Variants in TLN2 observed in about 807,000 individuals in gnomAD.
TLN2 encodes talin 2, also known as talin-2.
Under a neutral mutation model 294.7 loss-of-function variants are expected in TLN2, and 118 were observed. The observed-to-expected ratio is 0.40, with a 90% confidence interval of 0.34 to 0.47. The LOEUF is 0.47. Ranked by LOEUF, TLN2 falls within the 20% of genes least tolerant of loss-of-function variation. The pLI is 0.84. For synonymous variants in TLN2, 1,431 were observed against 1,304.5 expected, an observed-to-expected ratio of 1.10 and a Z score of -2.09; for missense variants, 3,083 against 3,282.2, an observed-to-expected ratio of 0.94 and a Z score of 1.48.
At position 62,809,987 on chromosome 15, in the gene TLN2, G is replaced by C. The variant is rs375788849; in HGVS notation, c.6726G>C (p.Thr2242=). 14 of 1,614,034 alleles carry C rather than the reference G, an allele frequency of 8.7e-6. No individual in the cohort carries two copies. In the South Asian group the frequency reaches 8.8e-5, roughly 10 times the overall value. ...EVRTRALRFG[T]ECTLGYLDLL... ...GAACCAGAGCCTTGCGTTTCGGGACGGAGTGCACCCTTGGCTACTTGGACC... is the reference window on the plus strand; with the variant it reads ...GAACCAGAGCCTTGCGTTTCGGGACCGAGTGCACCCTTGGCTACTTGGACC... The change falls in exon 52 of 59, where the codon ACG becomes ACC. Residue 2242 remains threonine, a synonymous_variant. Coordinates refer to ENST00000636159, the MANE Select transcript of TLN2 (RefSeq NM_015059.3).
At chr15:62,737,109 G>T in intron 29 of TLN2, 23 bp downstream of exon 29, 1 of 1,612,848 alleles carries the variant, frequency 6.2e-7, no homozygotes, top group Non-Finnish European at 8.5e-7. Flanking sequence ...ATGAGAAATT[G>T]TGGTTGTCAT....
chr15:62,493,114 G>T (rs1052030311), intron 1 of TLN2, among the ~76,000 whole-genome samples: 1 of 152,194 alleles, frequency 6.6e-6, no homozygotes, highest in African/African-American at 2.4e-5. Context: ...GACAGATGAA[G>T]GGCGTAAATC....
intron 48 of TLN2, 85 bp from the exon 49 acceptor site, chr15:62,800,283 G>T: frequency 6.4e-7 from 1 of 1,553,438 alleles, no homozygotes; most frequent in Non-Finnish European, 8.7e-7. Context: ...CCCGTGCCCT[G>T]GCCTGCCCTC....
Position 62,698,760 on chromosome 15 carries a change from G to A in TLN2, c.1480G>A (p.Ala494Thr), listed in dbSNP as rs1475071723. The stretch of plus-strand genomic sequence containing the variant: ...GTTTCATTTGCCTTTGCAGACCTCA[G>A]CCCAGCAGGCCCTGATGGGGACCAT... ...HRGHMPPLTSAQQALMGTINT... is the reference protein window; with the variant it reads ...HRGHMPPLTSTQQALMGTINT... The change falls in exon 16 of 59, where the codon GCC becomes ACC. Residue 494 changes from alanine to threonine, a missense_variant. Transcript: ENST00000636159. 36 of 1,609,902 alleles carry A rather than the reference G, an allele frequency of 2.2e-5. No homozygotes were observed. Among genetic ancestry groups the A allele is most frequent in the Non-Finnish European group, 3.1e-5 (36 of 1,179,910 alleles).
chr15:62,418,298 C>A (rs760092584), intron 1 of TLN2, among the ~76,000 whole-genome samples: 1 of 152,212 alleles, frequency 6.6e-6, no homozygotes, highest in Non-Finnish European at 1.5e-5. Flanking sequence ...TAAGACACAA[C>A]ATTGCAATGA....
At chr15:62,422,059 G>C (rs370642979) in intron 1 of TLN2, among the ~76,000 whole-genome samples, 1 of 151,580 alleles carries the variant, frequency 6.6e-6, no homozygotes. Flanking sequence ...TCTGGAGTTC[G>C]AGACCAGCCT....
intron 1 of TLN2, among the ~76,000 whole-genome samples, chr15:62,554,367 G>C (rs996085335): frequency 1.3e-5 from 2 of 149,134 alleles, no homozygotes; most frequent in Admixed American, 6.8e-5. Flanking sequence ...ACCAGCTGTT[G>C]ATACCAGATA....
intron 23 of TLN2, 26 bp from the exon 24 acceptor site, chr15:62,717,550 C>G (rs770392386): frequency 2.0e-5 from 30 of 1,485,924 alleles, no homozygotes; most frequent in Admixed American, 2.5e-5. Flanking sequence ...TATGCAGATC[C>G]TGACTCATCT....
At chr15:62,442,364 C>T (rs1278122764) in intron 1 of TLN2, among the ~76,000 whole-genome samples, 2 of 151,482 alleles carry the variant, frequency 1.3e-5, no homozygotes, top group African/African-American at 4.9e-5. Context: ...TGTGGTGGTG[C>T]GTGCCTGTAA....
At position 62,712,058 on chromosome 15, in the gene TLN2, G is replaced by A. The variant is rs1221591376; in HGVS notation, c.2615G>A (p.Arg872His). Residue 872 changes from arginine to histidine, a missense_variant, in exon 22 of 59, where the codon CGC becomes CAC. Transcript: ENST00000636159. ...AAACTCTTAGCTGACTCCACTGCTC[G>A]CATGGTGGAAGCTGCAAAGGTATTC... is the stretch of plus-strand genomic sequence containing the variant. ...AAKLLADSTARMVEAAKGAAA... is the reference protein window; with the variant it reads ...AAKLLADSTAHMVEAAKGAAA... 7 of 1,613,866 alleles carry A rather than the reference G, an allele frequency of 4.3e-6. No homozygotes were observed. The highest frequency in any genetic ancestry group is 1.7e-5 in the Admixed American group (1 of 59,998).
chr15:62,639,426 G>A (rs975213779), intron 3 of TLN2, among the ~76,000 whole-genome samples: 9 of 152,112 alleles, frequency 5.9e-5, no homozygotes, highest in African/African-American at 2.2e-4. Flanking sequence ...TTGTGGGGGT[G>A]GTTAATTATT....
chr15:62,678,511 T>C (rs1275620971), intron 11 of TLN2, among the ~76,000 whole-genome samples: 1 of 152,184 alleles, frequency 6.6e-6, no homozygotes, highest in Non-Finnish European at 1.5e-5. Flanking sequence ...CTCATTAGTA[T>C]CATACTTAAT....
chr15:62,522,451 T>A (rs1318779722), intron 1 of TLN2, among the ~76,000 whole-genome samples: 1 of 152,210 alleles, frequency 6.6e-6, no homozygotes, highest in African/African-American at 2.4e-5. Context: ...GTCAGCTTGC[T>A]GAAGCATTGG....
rs145094361 is a variant in TLN2 at position 62,694,364 on chromosome 15, A to G, written c.1264A>G (p.Met422Val). 1.9e-6 allele frequency: 3 copies of G among 1,614,046 alleles called. No homozygotes were observed. Among genetic ancestry groups the G allele is most frequent in the African/African-American group, 2.7e-5 (2 of 74,934 alleles). ...FGLEGDEEST[M>V]LEESVSPKKS... Reference sequence around the variant, plus strand: ...ACTAGAAGGTGATGAGGAGTCAACCATGTTAGAAGAGTCCGTTTCCCCAAA... The same window carrying G: ...ACTAGAAGGTGATGAGGAGTCAACCGTGTTAGAAGAGTCCGTTTCCCCAAA... Residue 422 changes from methionine (M) to valine (V), a missense_variant, in exon 14 of 59, where the codon ATG (methionine) becomes GTG (valine). Coordinates refer to ENST00000636159, the MANE Select transcript of TLN2 (RefSeq NM_015059.3).
At chr15:62,485,924 C>A (rs935863672) in intron 1 of TLN2, among the ~76,000 whole-genome samples, 1 of 151,918 alleles carries the variant, frequency 6.6e-6, no homozygotes, top group Admixed American at 6.6e-5. Flanking sequence ...ATTTAACAGA[C>A]GTTACTGTGG....
At position 62,770,990 on chromosome 15, in the gene TLN2, G is replaced by T. The variant is rs1274544421; in HGVS notation, c.5223G>T (p.Glu1741Asp). The change falls in exon 42 of 59, where the codon GAG becomes GAT. Residue 1741 changes from glutamate to aspartate, a missense_variant. Transcript: ENST00000636159. ...TGACACAACTGGCAAGCTATTTTGA[G>T]CCCTTGATCTTAGCCGCAGTTGGTG... is the stretch of plus-strand genomic sequence containing the variant. Reference protein sequence around the residue: ...HKVTQLASYFEPLILAAVGVA... With the variant: ...HKVTQLASYFDPLILAAVGVA... 1 of 1,602,644 alleles carries T rather than the reference G, an allele frequency of 6.2e-7. No individual in the cohort carries two copies. The highest frequency in any genetic ancestry group is 1.1e-5 in the South Asian group (1 of 89,534).
chr15:62,480,486 A>G (rs1278510741), intron 1 of TLN2, among the ~76,000 whole-genome samples: 4 of 152,194 alleles, frequency 2.6e-5, no homozygotes, highest in Non-Finnish European at 1.5e-5. Flanking sequence ...CGGCCTCCCA[A>G]AGTGCTGGGA....
intron 2 of TLN2, among the ~76,000 whole-genome samples, chr15:62,605,977 GGTA>G (rs2047402121): frequency 6.6e-6 from 1 of 152,212 alleles, no homozygotes; most frequent in Non-Finnish European, 1.5e-5. Context: ...CTTGTCTAGA[GGTA>G]GTAGTGTTAC....
intron 1 of TLN2, among the ~76,000 whole-genome samples, chr15:62,458,735 C>T (rs1160362839): frequency 1.3e-5 from 2 of 152,012 alleles, no homozygotes; most frequent in Non-Finnish European, 1.5e-5. Flanking sequence ...CACTGCTGCA[C>T]TCCAACCTGG....
Sources: allele counts gnomAD v4.1 joint callset (sites outside exome capture counted in the v4.1 genomes callset), GRCh38; gene constraint gnomAD v4.1.1; transcripts MANE v1.5; gene names NCBI Gene and HGNC (gene_info 2026-07-23, HGNC 2026-07-21).